ALK: variants seen among roughly 807,000 people sequenced by gnomAD.
The protein encoded by ALK is ALK tyrosine kinase receptor.
A neutral mutation model predicts 163.1 loss-of-function variants in ALK; 74 were observed. That is an observed-to-expected ratio of 0.45 (90% confidence interval 0.38 to 0.55). The LOEUF is 0.55. ALK is among the 20% of genes least tolerant of loss of function. ALK has a pLI of 0.00. For synonymous variants in ALK, 960 were observed against 843.2 expected (o/e 1.14, Z -2.40); for missense variants, 2,063 against 2,105.3 (o/e 0.98, Z 0.39).
chr2:29,242,345 C>T (rs1182688543), intron 12 of ALK, among the ~76,000 whole-genome samples: 1 of 152,206 alleles, frequency 6.6e-6, no homozygotes. Context: ...GAGAGGTAAG[C>T]GTCATGCTGC....
chr2:29,724,700 G>A (rs1223345396), intron 1 of ALK, among the ~76,000 whole-genome samples: 1 of 152,082 alleles, frequency 6.6e-6, no homozygotes, highest in African/African-American at 2.4e-5. Context: ...CTCACTGCTC[G>A]CTAAGGTCCT....
chr2:29,232,650 G>A (rs1225481394), intron 14 of ALK, among the ~76,000 whole-genome samples: 1 of 152,182 alleles, frequency 6.6e-6, no homozygotes, highest in Non-Finnish European at 1.5e-5. Context: ...ATCAGTCAGG[G>A]TTCAACCAGA....
chr2:29,473,326 C>G (rs1448722063), intron 4 of ALK, among the ~76,000 whole-genome samples: 1 of 151,910 alleles, frequency 6.6e-6, no homozygotes, highest in Non-Finnish European at 1.5e-5. Context: ...GAATTATAGA[C>G]CTAAATGTGA....
At chr2:29,566,709 T>C (rs933131628) in intron 3 of ALK, among the ~76,000 whole-genome samples, 2 of 152,208 alleles carry the variant, frequency 1.3e-5, no homozygotes, top group African/African-American at 4.8e-5. Flanking sequence ...ATAGGAAATA[T>C]TGATTGTAAT....
In ALK at chr2:29,794,024, C is replaced by T. The variant is rs1436097727; in HGVS notation, c.668-76327G>A. On this transcript the variant is annotated intron_variant, in intron 1 of 28. Transcript: ENST00000389048. ...ACTTCTCTTTTGTAGCTATGAAAGTCCTAAGTGTCATCTTCTTCTAATATA... is the reference window on the plus strand; with the variant it reads ...ACTTCTCTTTTGTAGCTATGAAAGTTCTAAGTGTCATCTTCTTCTAATATA... Among the ~76,000 whole-genome samples the T allele has an allele frequency of 6.6e-5, 10 of 152,218 alleles. No individual in the cohort carries two copies. In the Middle Eastern group the frequency reaches 0.017, roughly 259 times the overall value.
intron 4 of ALK, among the ~76,000 whole-genome samples, chr2:29,500,904 G>T (rs72794465): frequency 0.068 from 10,294 of 152,068 alleles, 482 homozygotes; most frequent in Non-Finnish European, 0.1. Context: ...CTACCACATT[G>T]ACACAACCCC....
intron 3 of ALK, among the ~76,000 whole-genome samples, chr2:29,573,503 T>A (rs555619558): frequency 3.0e-4 from 45 of 152,264 alleles, no homozygotes; most frequent in East Asian, 7.7e-4. Flanking sequence ...GTAAAAAAAA[T>A]TTTTTGAGAC....
intron 11 of ALK, 101 bp from the exon 12 acceptor site, chr2:29,251,368 AC>A: frequency 8.1e-7 from 1 of 1,238,556 alleles, no homozygotes; most frequent in Non-Finnish European, 1.1e-6. Flanking sequence ...ATGGCCCCAA[AC>A]CCTCCATCCA....
At chr2:29,850,631 T>A (rs1284285191) in intron 1 of ALK, among the ~76,000 whole-genome samples, 1 of 152,112 alleles carries the variant, frequency 6.6e-6, no homozygotes, top group Non-Finnish European at 1.5e-5. Flanking sequence ...GATAGCTTCA[T>A]TTGGGGTCAA....
rs1667992774 is a variant in ALK at position 29,921,097 on chromosome 2, A to G, written c.-438T>C. The G allele has an allele frequency of 4.1e-6, 1 of 244,546 alleles. No individual in the cohort carries two copies. The highest frequency in any genetic ancestry group is 7.9e-6 in the Non-Finnish European group (1 of 125,868). The allele number at this position is 244,546 out of a possible 1,614,324, so 15.1% of individuals were successfully genotyped here. A position where few individuals can be genotyped will look rare whatever the true frequency, so the allele number is the denominator to read the frequency against. ...GCAGCCTCCAATCTCTGCAACTTTTAAGGCTGAGAACGGCGGCTCCCAGCT... is the reference window on the plus strand; with the variant it reads ...GCAGCCTCCAATCTCTGCAACTTTTGAGGCTGAGAACGGCGGCTCCCAGCT... On this transcript the variant is annotated 5_prime_UTR_variant, in exon 1 of 29. Coordinates refer to ENST00000389048, the MANE Select transcript of ALK (RefSeq NM_004304.5).
chr2:29,336,476 G>C (rs1371875318), intron 5 of ALK, among the ~76,000 whole-genome samples: 37 of 152,150 alleles, frequency 2.4e-4, no homozygotes, highest in Admixed American at 2.3e-3. Context: ...GGCCACATTT[G>C]TTTGCCCATT....
chr2:29,471,740 CTTTTTTT>C (rs112148653), intron 4 of ALK, among the ~76,000 whole-genome samples: 12 of 145,624 alleles, frequency 8.2e-5, no homozygotes, highest in Non-Finnish European at 3.0e-5. Context: ...ACTTTCTTTT[CTTTTTTT>C]TTTTTTTGAG....
chr2:29,835,499 T>A (rs1345736559), intron 1 of ALK, among the ~76,000 whole-genome samples: 1 of 152,224 alleles, frequency 6.6e-6, no homozygotes, highest in East Asian at 1.9e-4. Context: ...TAGTATACCA[T>A]GCTGGTGCTT....
chr2:29,828,282 A>G (rs1665256860), intron 1 of ALK, among the ~76,000 whole-genome samples: 1 of 152,208 alleles, frequency 6.6e-6, no homozygotes, highest in African/African-American at 2.4e-5. Flanking sequence ...CTAAAACACC[A>G]AAAGCAATGG....
chr2:29,755,125 T>A (rs1050398778), intron 1 of ALK, among the ~76,000 whole-genome samples: 1 of 152,078 alleles, frequency 6.6e-6, no homozygotes, highest in Admixed American at 6.6e-5. Flanking sequence ...CAGTAGGGGG[T>A]CAGTGAGGAA....
At chr2:29,562,030 A>G (rs1674038641) in intron 3 of ALK, among the ~76,000 whole-genome samples, 1 of 152,204 alleles carries the variant, frequency 6.6e-6, no homozygotes, top group Non-Finnish European at 1.5e-5. Flanking sequence ...GAGGATGGAC[A>G]AGGATGAGCC....
chr2:29,791,793 G>A (rs968831313), intron 1 of ALK, among the ~76,000 whole-genome samples: 1 of 152,034 alleles, frequency 6.6e-6, no homozygotes, highest in Non-Finnish European at 1.5e-5. Context: ...TATATGGTTT[G>A]TGCAATATAG....
intron 4 of ALK, among the ~76,000 whole-genome samples, chr2:29,397,048 T>C (rs888189106): frequency 2.6e-4 from 39 of 152,164 alleles, no homozygotes; most frequent in African/African-American, 8.4e-4. Flanking sequence ...CCTTCGGTCC[T>C]AGTAGGGTGG....
chr2:29,549,070 A>G (rs1673645858), intron 3 of ALK, among the ~76,000 whole-genome samples: 1 of 152,030 alleles, frequency 6.6e-6, no homozygotes, highest in Non-Finnish European at 1.5e-5. Flanking sequence ...AAGAAGCAGA[A>G]TTAATTTATA....
Sources: gnomAD v4.1 joint callset for allele counts (sites outside exome capture counted in the v4.1 genomes callset) on GRCh38, gnomAD v4.1.1 for gene constraint, MANE v1.5 for transcripts, NCBI Gene and HGNC (gene_info 2026-07-23, HGNC 2026-07-21) for gene names.